BICD1: variants seen among roughly 807,000 people sequenced by gnomAD.
BICD1 encodes the protein protein bicaudal D homolog 1.
In BICD1, 35 loss-of-function variants were observed where a neutral mutation model predicts 92.5. That is an observed-to-expected ratio of 0.38 (90% CI 0.29 to 0.50). The LOEUF is 0.50. BICD1 is among the 20% of genes least tolerant of loss of function. The probability of loss-of-function intolerance (pLI) is 0.93; values close to 1 mark genes in which losing one functional copy is unlikely to be tolerated. For synonymous variants in BICD1, 429 were observed against 465.1 expected (o/e 0.92, Z 1.00); for missense variants, 950 against 1,189.8 (o/e 0.80, Z 2.97).
chr12:32,144,932 G>A (rs971610811), intron 1 of BICD1, among the ~76,000 whole-genome samples: 5 of 152,118 alleles, frequency 3.3e-5, no homozygotes, highest in Non-Finnish European at 5.9e-5. Context: ...ACAAATAGCC[G>A]TGGCATTAGT....
At chr12:32,157,186 A>G (rs1943464654) in intron 1 of BICD1, among the ~76,000 whole-genome samples, 1 of 151,740 alleles carries the variant, frequency 6.6e-6, no homozygotes, top group Non-Finnish European at 1.5e-5. Context: ...CTGTCTAGAA[A>G]TTACTCTTGT....
intron 2 of BICD1, among the ~76,000 whole-genome samples, chr12:32,276,207 A>G (rs980027932): frequency 2.0e-5 from 3 of 152,136 alleles, no homozygotes; most frequent in Non-Finnish European, 4.4e-5. Flanking sequence ...CCATGCTCCA[A>G]TGTTAATGAC....
At chr12:32,175,659 C>T (rs1374816175) in intron 1 of BICD1, among the ~76,000 whole-genome samples, 1 of 152,140 alleles carries the variant, frequency 6.6e-6, no homozygotes, top group African/African-American at 2.4e-5. Context: ...GTTCCAAATA[C>T]GTTGGGAAGG....
chr12:32,151,988 G>A (rs547049549), intron 1 of BICD1, among the ~76,000 whole-genome samples: 5 of 152,086 alleles, frequency 3.3e-5, no homozygotes, highest in African/African-American at 1.2e-4. Flanking sequence ...ACAGAGTCTC[G>A]CTGTGTCTCC....
rs113574119 is a variant in BICD1, at chr12:32,268,174, T to C, written c.427-25820T>C. 5.5e-3 allele frequency among the ~76,000 whole-genome samples: 844 copies of C among 152,328 alleles called. 5 individuals are homozygous for C. Among genetic ancestry groups the C allele is most frequent in the Non-Finnish European group, 9.0e-3 (614 of 68,030 alleles). On this transcript the variant is annotated intron_variant, in intron 2 of 9. Coordinates refer to ENST00000652176, the MANE Select transcript of BICD1 (RefSeq NM_001714.4). The stretch of plus-strand genomic sequence containing the variant: ...TGACAAGTCCAGTTTGAGCTAGTTA[T>C]GTATCACATCCCATTTGCAAGGGTT...
At chr12:32,215,973 A>AAG (rs1555148837) in intron 1 of BICD1, among the ~76,000 whole-genome samples, 53 of 150,428 alleles carry the variant, frequency 3.5e-4, no homozygotes, top group African/African-American at 1.3e-3. Context: ...AAAAAAAAAA[A>AAG]AAGGAGAACA....
intron 1 of BICD1, among the ~76,000 whole-genome samples, chr12:32,174,028 G>A (rs1184362881): frequency 6.6e-6 from 1 of 152,196 alleles, no homozygotes; most frequent in African/African-American, 2.4e-5. Flanking sequence ...GTTTATGACA[G>A]AAATGAAAAG....
intron 1 of BICD1, among the ~76,000 whole-genome samples, chr12:32,157,173 A>G (rs1034377727): frequency 6.6e-6 from 1 of 152,118 alleles, no homozygotes; most frequent in Non-Finnish European, 1.5e-5. Flanking sequence ...TCAGGAGATG[A>G]AACTGTCTAG....
chr12:32,371,772 G>C (rs1939748930), intron 9 of BICD1, among the ~76,000 whole-genome samples: 1 of 152,046 alleles, frequency 6.6e-6, no homozygotes, highest in African/African-American at 2.4e-5. Context: ...ATTTTTAGTA[G>C]AGACAGGGTT....
chr12:32,238,761 A>G (rs1036501683), intron 2 of BICD1, among the ~76,000 whole-genome samples: 5 of 150,684 alleles, frequency 3.3e-5, no homozygotes, highest in African/African-American at 1.2e-4. Context: ...CCTGGCTAAC[A>G]TGCTGAAACC....
chr12:32,283,021 G>T (rs1947461270), intron 2 of BICD1, among the ~76,000 whole-genome samples: 1 of 152,178 alleles, frequency 6.6e-6, no homozygotes, highest in Non-Finnish European at 1.5e-5. Context: ...TAAACTGTCT[G>T]CAGTAGAATG....
chr12:32,118,754 T>A (rs1942041208), intron 1 of BICD1, among the ~76,000 whole-genome samples: 1 of 152,228 alleles, frequency 6.6e-6, no homozygotes, highest in African/African-American at 2.4e-5. Flanking sequence ...TGACTGTATT[T>A]ACGTTATCTA....
intron 2 of BICD1, among the ~76,000 whole-genome samples, chr12:32,273,220 A>G (rs1055751611): frequency 1.4e-4 from 22 of 152,210 alleles, no homozygotes; most frequent in African/African-American, 4.3e-4. Context: ...GGTGGCTGCC[A>G]GAATTCATCA....
chr12:32,289,293 G>A (rs1370679199), intron 2 of BICD1, among the ~76,000 whole-genome samples: 1 of 152,148 alleles, frequency 6.6e-6, no homozygotes, highest in East Asian at 1.9e-4. Flanking sequence ...ATTTTTTGGG[G>A]TCATTGCTAA....
intron 1 of BICD1, among the ~76,000 whole-genome samples, chr12:32,141,034 C>T (rs867654623): frequency 6.6e-6 from 1 of 152,142 alleles, no homozygotes; most frequent in Non-Finnish European, 1.5e-5. Context: ...GTAAAATTCT[C>T]ACAAATTCAG....
At chr12:32,369,147 G>T (rs1238042037) in intron 9 of BICD1, among the ~76,000 whole-genome samples, 1 of 152,216 alleles carries the variant, frequency 6.6e-6, no homozygotes, top group African/African-American at 2.4e-5. Context: ...TGGAGAGTTT[G>T]CTGACAATTC....
chr12:32,364,528 G>A (rs1055268161), intron 8 of BICD1, among the ~76,000 whole-genome samples: 7 of 152,212 alleles, frequency 4.6e-5, no homozygotes, highest in African/African-American at 1.7e-4. Flanking sequence ...AGACAACTGA[G>A]TCAGAGCAAT....
intron 4 of BICD1, among the ~76,000 whole-genome samples, chr12:32,320,168 T>C (rs181589443): frequency 2.6e-5 from 4 of 152,296 alleles, no homozygotes. Context: ...ATGCTATGTA[T>C]ACTGTTAGAA....
chr12:32,334,371 A>G (rs930943282), intron 5 of BICD1, 145 bp from the exon 6 acceptor site: 34 of 792,262 alleles, frequency 4.3e-5, no homozygotes, highest in Non-Finnish European at 5.7e-5. Flanking sequence ...CTGTGTCCAA[A>G]GCGCATACCT....
Sources: gnomAD v4.1 joint callset for allele counts (sites outside exome capture counted in the v4.1 genomes callset) on GRCh38, gnomAD v4.1.1 for gene constraint, MANE v1.5 for transcripts, NCBI Gene and HGNC (gene_info 2026-07-23, HGNC 2026-07-21) for gene names.